The following LTBP1 variants were observed in gnomAD, a reference collection of about 807,000 sequenced individuals.
LTBP1 encodes the protein latent transforming growth factor beta binding protein 1.
A neutral mutation model predicts 207.6 loss-of-function variants in LTBP1; 129 were observed. The ratio of observed to expected loss-of-function variants is 0.62; its 90% CI spans 0.54 to 0.72. The LOEUF (loss-of-function observed/expected upper bound fraction) is 0.72. Ranked by LOEUF, LTBP1 falls within the 30% of genes least tolerant of loss-of-function variation. The pLI is 0.00. For synonymous variants in LTBP1, 963 were observed against 833.7 expected (o/e 1.16, Z -2.67); for missense variants, 2,281 against 2,217.2 (o/e 1.03, Z -0.58).
chr2:32,949,966 G>C (rs547999887), intron 2 of LTBP1, among the ~76,000 whole-genome samples: 2 of 152,318 alleles, frequency 1.3e-5, no homozygotes, highest in African/African-American at 2.4e-5. Context: ...AGTAATTGCA[G>C]ACATGAACAG....
intron 7 of LTBP1, among the ~76,000 whole-genome samples, chr2:33,192,522 TA>T (rs201155492): frequency 3.6e-4 from 52 of 145,600 alleles, no homozygotes; most frequent in Admixed American, 3.4e-4. Flanking sequence ...CCTGGTTTCT[TA>T]AAAAAAAAAA....
At chr2:33,253,357 C>G (rs1037434815) in intron 11 of LTBP1, among the ~76,000 whole-genome samples, 10 of 152,184 alleles carry the variant, frequency 6.6e-5, no homozygotes, top group Non-Finnish European at 1.5e-5. Flanking sequence ...CTCCTGAAAA[C>G]TTCTGTGGGA....
intron 26 of LTBP1, among the ~76,000 whole-genome samples, chr2:33,359,384 T>A (rs2094900829): frequency 6.6e-6 from 1 of 152,220 alleles, no homozygotes; most frequent in Non-Finnish European, 1.5e-5. Flanking sequence ...AAATTTCCAT[T>A]GTCAACTAGG....
chr2:33,348,452 G>C (rs1396526643), intron 26 of LTBP1, among the ~76,000 whole-genome samples: 1 of 152,172 alleles, frequency 6.6e-6, no homozygotes, highest in African/African-American at 2.4e-5. Context: ...GTTATTACTG[G>C]TGGGAGGATT....
chr2:33,184,434 A>G (rs996659207), intron 5 of LTBP1, among the ~76,000 whole-genome samples: 1 of 152,120 alleles, frequency 6.6e-6, no homozygotes, highest in African/African-American at 2.4e-5. Context: ...TCTCCCAAAT[A>G]TGCCCACCAC....
intron 5 of LTBP1, among the ~76,000 whole-genome samples, chr2:33,185,189 A>T (rs751250722): frequency 4.6e-5 from 7 of 152,158 alleles, no homozygotes; most frequent in Non-Finnish European, 7.3e-5. Flanking sequence ...ATGAGGTAAG[A>T]TTGCTAAGTG....
At chr2:33,281,654 C>T (rs200668393) in intron 19 of LTBP1, among the ~76,000 whole-genome samples, 30 of 152,140 alleles carry the variant, frequency 2.0e-4, no homozygotes, top group South Asian at 2.1e-4. Context: ...CGGAGAGCTC[C>T]GTGTCCTGAG....
At chr2:33,112,025 A>G (rs1179096882) in intron 4 of LTBP1, among the ~76,000 whole-genome samples, 45 of 152,254 alleles carry the variant, frequency 3.0e-4, no homozygotes, top group Non-Finnish European at 2.9e-5. Context: ...AATTTTAAAA[A>G]TTAAGGAAAA....
At chr2:33,145,837 C>T (rs1401521732) in intron 5 of LTBP1, among the ~76,000 whole-genome samples, 5 of 152,142 alleles carry the variant, frequency 3.3e-5, no homozygotes, top group Non-Finnish European at 7.4e-5. Flanking sequence ...CAAAAAGAAG[C>T]TAAAGTCTAA....
At chr2:33,101,642 T>G (rs2079747250) in intron 3 of LTBP1, among the ~76,000 whole-genome samples, 1 of 152,238 alleles carries the variant, frequency 6.6e-6, no homozygotes, top group African/African-American at 2.4e-5. Context: ...GCTAGGAGCC[T>G]TAATTACTCA....
chr2:33,336,631 A>AC (rs1224497634), intron 24 of LTBP1, among the ~76,000 whole-genome samples: 1 of 152,026 alleles, frequency 6.6e-6, no homozygotes, highest in African/African-American at 2.4e-5. Context: ...AAAAAATGAC[A>AC]CCCCCATTCC....
intron 3 of LTBP1, among the ~76,000 whole-genome samples, chr2:33,032,166 T>C (rs1321267998): frequency 6.6e-6 from 1 of 152,232 alleles, no homozygotes. Context: ...AATCTTATCC[T>C]CTTTAGGAAC....
chr2:33,078,129 C>T (rs998729343), intron 3 of LTBP1, among the ~76,000 whole-genome samples: 3 of 152,152 alleles, frequency 2.0e-5, no homozygotes, highest in Non-Finnish European at 4.4e-5. Context: ...CCTTTGGAGA[C>T]GGTTGAGACC....
chr2:33,350,006 A>T (rs1225946236), intron 26 of LTBP1, among the ~76,000 whole-genome samples: 1 of 152,218 alleles, frequency 6.6e-6, no homozygotes, highest in Non-Finnish European at 1.5e-5. Flanking sequence ...ACATCAGTTA[A>T]CACAAGTTGG....
chr2:33,114,533 G>A (rs1157141519), intron 4 of LTBP1, among the ~76,000 whole-genome samples: 2 of 152,124 alleles, frequency 1.3e-5, no homozygotes, highest in Non-Finnish European at 2.9e-5. Context: ...CCTGCTTCTA[G>A]CAGCTGTCCT....
At chr2:33,329,782 A>G (rs752976336) in intron 24 of LTBP1, among the ~76,000 whole-genome samples, 5 of 152,084 alleles carry the variant, frequency 3.3e-5, no homozygotes, top group Non-Finnish European at 7.4e-5. Context: ...TAGTTACAGT[A>G]GCTTTATAAT....
intron 5 of LTBP1, among the ~76,000 whole-genome samples, chr2:33,177,631 A>G (rs1482893023): frequency 2.0e-5 from 3 of 152,166 alleles, no homozygotes; most frequent in African/African-American, 2.4e-5. Flanking sequence ...TCACACCACT[A>G]CATTCCAGCC....
At chr2:33,180,019 C>CCT (rs2148659244) in intron 5 of LTBP1, among the ~76,000 whole-genome samples, 1 of 152,268 alleles carries the variant, frequency 6.6e-6, no homozygotes, top group African/African-American at 2.4e-5. Context: ...TTCTAAAACA[C>CCT]CTCACCTCAA....
intron 5 of LTBP1, among the ~76,000 whole-genome samples, chr2:33,155,416 G>A (rs1248186831): frequency 1.3e-5 from 2 of 152,138 alleles, no homozygotes; most frequent in Admixed American, 1.3e-4. Flanking sequence ...CTGATAGATT[G>A]GAGTTTAAGT....
Sources: allele counts gnomAD v4.1 joint callset (sites outside exome capture counted in the v4.1 genomes callset), GRCh38; gene constraint gnomAD v4.1.1; transcripts MANE v1.5; gene names NCBI Gene and HGNC (gene_info 2026-07-23, HGNC 2026-07-21).